RABEP1: variants seen among roughly 807,000 people sequenced by gnomAD.
RABEP1 encodes the protein rab GTPase-binding effector protein 1.
In RABEP1, 51 loss-of-function variants were observed where a neutral mutation model predicts 123.4. The observed-to-expected ratio is 0.41, with a 90% CI of 0.33 to 0.52. RABEP1 has a LOEUF of 0.52. RABEP1 is among the 20% of genes least tolerant of loss of function. RABEP1 has a pLI of 0.16. For missense variants in RABEP1, 888 were observed against 996.3 expected, an observed-to-expected ratio of 0.89 and a Z score of 1.46; for synonymous variants, 347 against 355.2, an observed-to-expected ratio of 0.98 and a Z score of 0.26.
At chr17:5,305,012 C>G (rs559109485) in intron 1 of RABEP1, among the ~76,000 whole-genome samples, 2 of 152,228 alleles carry the variant, frequency 1.3e-5, no homozygotes, top group East Asian at 3.9e-4. Flanking sequence ...TTTACATGAA[C>G]TATTAGCTAA....
At chr17:5,308,172 G>A (rs1396983490) in intron 1 of RABEP1, among the ~76,000 whole-genome samples, 2 of 151,356 alleles carry the variant, frequency 1.3e-5, no homozygotes, top group Admixed American at 6.6e-5. Flanking sequence ...CTGTATATTT[G>A]TGGTTTCACT....
chr17:5,367,080 A>G (rs1910064127), intron 11 of RABEP1, among the ~76,000 whole-genome samples: 1 of 146,928 alleles, frequency 6.8e-6, no homozygotes, highest in Admixed American at 6.7e-5. Context: ...CAAGAGTGAA[A>G]CTCCGTCTGA....
Position 5,365,226 on chromosome 17 carries a change from T to C in RABEP1, c.1773T>C (p.Asp591=). The C allele has an allele frequency of 6.2e-7, 1 of 1,606,876 alleles. No homozygotes were observed. Among genetic ancestry groups the C allele is most frequent in the Non-Finnish European group, 8.5e-7 (1 of 1,177,144 alleles). The part of the protein sequence containing the change: ...LEDFIKQSSE[D]SSHQISALVL... ...ACTTCATAAAGCAAAGCAGCGAAGATTCGAGTCACCAGGTAAGGGAGGGTT... is the reference window on the plus strand; with the variant it reads ...ACTTCATAAAGCAAAGCAGCGAAGACTCGAGTCACCAGGTAAGGGAGGGTT... The change falls in exon 11 of 18, where the codon GAT becomes GAC. Residue 591 remains aspartate (D), a synonymous_variant. Coordinates refer to ENST00000537505, the MANE Select transcript of RABEP1 (RefSeq NM_004703.6).
chr17:5,346,673 G>A (rs911764530), intron 5 of RABEP1, 117 bp from the exon 6 acceptor site: 2 of 530,176 alleles, frequency 3.8e-6, no homozygotes, highest in Non-Finnish European at 5.9e-6. Context: ...GTTAATTTAT[G>A]TAGATGTAAA....
intron 1 of RABEP1, among the ~76,000 whole-genome samples, chr17:5,285,887 G>C (rs1431981851): frequency 6.6e-6 from 1 of 151,948 alleles, no homozygotes; most frequent in Non-Finnish European, 1.5e-5. Flanking sequence ...CATGTACCAG[G>C]CATGATTTAT....
Position 5,361,495 on chromosome 17 carries a change from G to C in RABEP1, c.1383G>C (p.Gln461His). 6.2e-7 allele frequency: 1 copy of C among 1,614,186 alleles called. No individual in the cohort carries two copies. Among genetic ancestry groups the C allele is most frequent in the Non-Finnish European group, 8.5e-7 (1 of 1,180,028 alleles). The change falls in exon 9 of 18, where the codon CAG becomes CAC. Residue 461 changes from glutamine (Q) to histidine (H), a missense_variant. By Grantham distance (24) the Gln-to-His change is conservative (BLOSUM62 0). Transcript: ENST00000537505. ...ATACTGCATCCCTTGGGTCACTCCAGATGCCAAGTGGGTTTATGTTAACCA... is the reference window on the plus strand; with the variant it reads ...ATACTGCATCCCTTGGGTCACTCCACATGCCAAGTGGGTTTATGTTAACCA... ...NFDTASLGSLQMPSGFMLTKD... is the reference protein window; with the variant it reads ...NFDTASLGSLHMPSGFMLTKD...
chr17:5,294,926 G>A (rs192509503), intron 1 of RABEP1, among the ~76,000 whole-genome samples: 11 of 151,340 alleles, frequency 7.3e-5, no homozygotes, highest in African/African-American at 2.2e-4. Flanking sequence ...GATTACAGGC[G>A]TGAGCCACCG....
At chr17:5,309,852 T>C (rs1489126759) in intron 2 of RABEP1, among the ~76,000 whole-genome samples, 1 of 152,148 alleles carries the variant, frequency 6.6e-6, no homozygotes, top group African/African-American at 2.4e-5. Context: ...ATCGTCATCA[T>C]CACCTGGGAA....
At chr17:5,297,127 T>C (rs888236768) in intron 1 of RABEP1, among the ~76,000 whole-genome samples, 3 of 152,230 alleles carry the variant, frequency 2.0e-5, no homozygotes, top group Admixed American at 2.0e-4. Context: ...TGCAATTATG[T>C]CTTTATACAT....
chr17:5,364,098 C>T (rs1359145573), intron 10 of RABEP1, among the ~76,000 whole-genome samples: 2 of 152,166 alleles, frequency 1.3e-5, no homozygotes, highest in African/African-American at 4.8e-5. Flanking sequence ...GTGTGCTTTA[C>T]GCATAGATGT....
intron 1 of RABEP1, among the ~76,000 whole-genome samples, chr17:5,293,820 T>A (rs1223099121): frequency 6.6e-6 from 1 of 152,244 alleles, no homozygotes; most frequent in Non-Finnish European, 1.5e-5. Flanking sequence ...AGATAGCTGC[T>A]CATAACTTAT....
intron 1 of RABEP1, among the ~76,000 whole-genome samples, chr17:5,307,618 G>A (rs904108229): frequency 1.4e-4 from 22 of 152,152 alleles, no homozygotes; most frequent in Middle Eastern, 3.2e-3. Context: ...CTTTAAGGCT[G>A]GGATGCTGTT....
At position 5,346,851 on chromosome 17, in the gene RABEP1, A is replaced by G; in HGVS notation, c.710A>G (p.Tyr237Cys). The change falls in exon 6 of 18, where the codon TAT becomes TGT. Residue 237 changes from tyrosine (Y) to cysteine (C), a missense_variant. Transcript: ENST00000537505. ...TCTTGTAGGACTGATCTAGAGATGTATGTAGCTGTTTTGAATACTCAGAAA... is the reference window on the plus strand; with the variant it reads ...TCTTGTAGGACTGATCTAGAGATGTGTGTAGCTGTTTTGAATACTCAGAAA... ...EKSCRTDLEMYVAVLNTQKSV... is the reference protein window; with the variant it reads ...EKSCRTDLEMCVAVLNTQKSV... The G allele has an allele frequency of 6.2e-7, 1 of 1,610,766 alleles. No homozygotes were observed. The highest frequency in any genetic ancestry group is 8.5e-7 in the Non-Finnish European group (1 of 1,177,964).
At chr17:5,370,465 A>G (rs1244960284) in intron 12 of RABEP1, among the ~76,000 whole-genome samples, 2 of 152,180 alleles carry the variant, frequency 1.3e-5, no homozygotes, top group South Asian at 2.1e-4. Context: ...CCAGGAACCA[A>G]TCAGTGATCA....
chr17:5,340,704 T>G (rs778716846), intron 5 of RABEP1, among the ~76,000 whole-genome samples: 1 of 151,118 alleles, frequency 6.6e-6, no homozygotes, highest in Non-Finnish European at 1.5e-5. Flanking sequence ...CCCAGCACTT[T>G]GGGAGGCTGA....
At chr17:5,299,729 T>TC in intron 1 of RABEP1, among the ~76,000 whole-genome samples, 5 of 114,942 alleles carry the variant, frequency 4.4e-5, no homozygotes, top group Non-Finnish European at 5.1e-5. Context: ...CTTTTTCTTT[T>TC]TCTTTTTTTT....
chr17:5,373,237 CTTGT>C, intron 12 of RABEP1, 73 bp from the exon 13 acceptor site: 1 of 1,431,778 alleles, frequency 7.0e-7, no homozygotes, highest in Non-Finnish European at 9.4e-7. Context: ...TTAGTTTGGA[CTTGT>C]TTTTCTCTGG....
Position 5,350,456 on chromosome 17 carries a change from C to G in RABEP1, c.790C>G (p.His264Asp). 6.2e-7 allele frequency: 1 copy of G among 1,608,836 alleles called. No homozygotes were observed. Among genetic ancestry groups the G allele is most frequent in the Non-Finnish European group, 8.5e-7 (1 of 1,178,360 alleles). Residue 264 changes from histidine (H) to aspartate (D), a missense_variant, in exon 7 of 18, where the codon CAT (histidine) becomes GAT (aspartate). Coordinates refer to ENST00000537505, the MANE Select transcript of RABEP1 (RefSeq NM_004703.6). Reference sequence around the variant, plus strand: ...GTGGGGGGGTTCCTAAACAGTTTGCCATCTCTTGGAGCAAGAGCGACAACA... The same window carrying G: ...GTGGGGGGGTTCCTAAACAGTTTGCGATCTCTTGGAGCAAGAGCGACAACA... ...KLRKELHEVC[H>D]LLEQERQQHN... is the part of the protein sequence containing the mutation.
rs2074934858 is a variant in RABEP1 at position 5,282,504 on chromosome 17, G to C, written c.18G>C (p.Pro6=). The change falls in exon 1 of 18, where the codon CCG becomes CCC. Residue 6 remains proline (P), a synonymous_variant. Coordinates refer to ENST00000537505, the MANE Select transcript of RABEP1 (RefSeq NM_004703.6). MAQPG[P]ASQPDVSLQQ... is the part of the protein sequence containing the mutation. ...GCCTGGTCATGGCGCAGCCGGGCCC[G>C]GCTTCCCAGCCTGACGGTGAGGCGC... The C allele has an allele frequency of 3.1e-6, 4 of 1,274,044 alleles. No homozygotes were observed. Among genetic ancestry groups the C allele is most frequent in the Non-Finnish European group, 4.0e-6 (4 of 1,009,050 alleles). The allele number at this position is 1,274,044 out of a possible 1,614,324, so 78.9% of individuals were successfully genotyped here.
Sources: gnomAD v4.1 joint callset for allele counts (sites outside exome capture counted in the v4.1 genomes callset) on GRCh38, gnomAD v4.1.1 for gene constraint, MANE v1.5 for transcripts, NCBI Gene and HGNC (gene_info 2026-07-23, HGNC 2026-07-21) for gene names.